Variants in OXR1 observed in about 807,000 individuals in gnomAD.
OXR1 encodes oxidation resistance protein 1.
OXR1 carries 41 observed loss-of-function variants against 104.6 expected under a neutral mutation model. That is an observed-to-expected ratio of 0.39 (90% CI 0.31 to 0.51). OXR1 has a LOEUF of 0.51. Among genes scored for constraint, OXR1 ranks in the 20% least tolerant of loss-of-function variants. OXR1 has a pLI of 0.77. For missense variants in OXR1, 955 were observed against 1,031.9 expected (o/e 0.93, Z 1.02); for synonymous variants, 348 against 348.4 (o/e 1.00, Z 0.01).
chr8:106,423,673 T>G (rs1818992044), intron 2 of OXR1, among the ~76,000 whole-genome samples: 1 of 152,156 alleles, frequency 6.6e-6, no homozygotes, highest in African/African-American at 2.4e-5. Context: ...GAGAAAAAAT[T>G]GGCTTGGTTT....
chr8:106,352,304 G>T (rs1249373918), intron 1 of OXR1, among the ~76,000 whole-genome samples: 1 of 152,172 alleles, frequency 6.6e-6, no homozygotes, highest in African/African-American at 2.4e-5. Flanking sequence ...AAGTGTATTT[G>T]TAAAATCCAC....
intron 1 of OXR1, among the ~76,000 whole-genome samples, chr8:106,317,974 T>C (rs945547958): frequency 1.3e-5 from 2 of 152,200 alleles, no homozygotes; most frequent in East Asian, 1.9e-4. Flanking sequence ...CTGTAAAGAA[T>C]AGTATTGAAT....
intron 7 of OXR1, among the ~76,000 whole-genome samples, chr8:106,693,498 C>T (rs561279623): frequency 1.0e-3 from 142 of 138,654 alleles, no homozygotes; most frequent in African/African-American, 3.7e-3. Context: ...GGCGTGATCT[C>T]GGCTCACTGC....
At chr8:106,708,472 C>T (rs1482976724) in intron 9 of OXR1, among the ~76,000 whole-genome samples, 1 of 152,110 alleles carries the variant, frequency 6.6e-6, no homozygotes, top group African/African-American at 2.4e-5. Flanking sequence ...AACCAACATT[C>T]TACTTTGTTT....
At chr8:106,507,100 A>G (rs1427573345) in intron 2 of OXR1, among the ~76,000 whole-genome samples, 1 of 152,180 alleles carries the variant, frequency 6.6e-6, no homozygotes, top group Non-Finnish European at 1.5e-5. Context: ...AAAAGAAAAG[A>G]AAAAGAGGCT....
chr8:106,707,486 G>A, intron 9 of OXR1: 1 of 442,518 alleles, frequency 2.3e-6, no homozygotes, highest in Admixed American at 4.2e-5. Context: ...AAAGTTTTTG[G>A]TGTGTTACCA....
intron 1 of OXR1, among the ~76,000 whole-genome samples, chr8:106,352,953 GA>G (rs2130312786): frequency 6.6e-6 from 1 of 152,298 alleles, no homozygotes; most frequent in African/African-American, 2.4e-5. Context: ...ATTCAAGGCA[GA>G]ACCCCCTCTT....
At chr8:106,444,878 T>TAC (rs1227695365) in intron 2 of OXR1, among the ~76,000 whole-genome samples, 2 of 152,106 alleles carry the variant, frequency 1.3e-5, no homozygotes, top group African/African-American at 4.8e-5. Flanking sequence ...AATGTATATG[T>TAC]ACACACACAC....
chr8:106,529,888 A>C (rs1331284209), intron 3 of OXR1, among the ~76,000 whole-genome samples: 1 of 152,210 alleles, frequency 6.6e-6, no homozygotes, highest in Non-Finnish European at 1.5e-5. Flanking sequence ...TTTATGGAAT[A>C]ATTAAAATGG....
chr8:106,372,299 A>G (rs1384912069), intron 2 of OXR1, among the ~76,000 whole-genome samples: 1 of 152,092 alleles, frequency 6.6e-6, no homozygotes, highest in Non-Finnish European at 1.5e-5. Context: ...GGCCTGCCAC[A>G]CCACACTGTT....
chr8:106,440,772 C>A (rs1819749876), intron 2 of OXR1, among the ~76,000 whole-genome samples: 3 of 151,994 alleles, frequency 2.0e-5, no homozygotes, highest in Admixed American at 2.0e-4. Flanking sequence ...TAGCTTTAGT[C>A]TTTGAAAACA....
intron 1 of OXR1, among the ~76,000 whole-genome samples, chr8:106,300,189 C>T (rs778979720): frequency 2.6e-5 from 4 of 152,064 alleles, no homozygotes; most frequent in Non-Finnish European, 5.9e-5. Context: ...GTCAATCTTC[C>T]TGAACTTCTG....
rs573853876 is a variant in OXR1 at position 106,301,889 on chromosome 8, C to T, written c.-139+31522C>T. The stretch of plus-strand genomic sequence containing the variant: ...GGTTGTTTATATTTCAAATAAAAAC[C>T]CTTTTAGGAATGAGAAATAAAATGT... On this transcript the variant is annotated intron_variant, in intron 1 of 16. Coordinates refer to ENST00000517566, the MANE Select transcript of OXR1 (RefSeq NM_001198533.2). 4.6e-5 allele frequency among the ~76,000 whole-genome samples: 7 copies of T among 151,990 alleles called. No individual in the cohort carries two copies. In the East Asian group the frequency reaches 1.4e-3, roughly 29 times the overall value.
chr8:106,272,087 T>A (rs1334984744), intron 1 of OXR1: 1 of 152,164 alleles, frequency 6.6e-6, no homozygotes, highest in Non-Finnish European at 1.5e-5. Context: ...GTTCTCCACA[T>A]GTAAATATAG....
chr8:106,619,826 C>T (rs1453752163), intron 3 of OXR1, among the ~76,000 whole-genome samples: 1 of 152,048 alleles, frequency 6.6e-6, no homozygotes, highest in East Asian at 1.9e-4. Flanking sequence ...AGGATTCAGA[C>T]CACTTTTGAA....
chr8:106,313,428 A>G (rs889526599), intron 1 of OXR1, among the ~76,000 whole-genome samples: 3 of 152,174 alleles, frequency 2.0e-5, no homozygotes, highest in African/African-American at 7.2e-5. Context: ...AAACATGCAA[A>G]TGAAGCACAC....
intron 2 of OXR1, among the ~76,000 whole-genome samples, chr8:106,363,533 G>A (rs1346263155): frequency 1.3e-5 from 2 of 150,802 alleles, no homozygotes; most frequent in Non-Finnish European, 2.9e-5. Context: ...AAACATTTAT[G>A]TATATTATTT....
intron 3 of OXR1, among the ~76,000 whole-genome samples, chr8:106,655,201 C>T (rs1193530595): frequency 2.0e-5 from 3 of 151,894 alleles, no homozygotes; most frequent in Non-Finnish European, 4.4e-5. Flanking sequence ...TGCTCAGGTT[C>T]AAAGATTACA....
At chr8:106,272,397 A>T (rs1811856762) in intron 1 of OXR1, 1 of 152,256 alleles carries the variant, frequency 6.6e-6, no homozygotes, top group Admixed American at 6.5e-5. Context: ...GAGAGCAAGC[A>T]CTGTACCTAC....
Sources: gnomAD v4.1 joint callset for allele counts (sites outside exome capture counted in the v4.1 genomes callset) on GRCh38, gnomAD v4.1.1 for gene constraint, MANE v1.5 for transcripts, NCBI Gene and HGNC (gene_info 2026-07-23, HGNC 2026-07-21) for gene names.